Variants in ZNF33B observed in about 807,000 individuals in gnomAD.
ZNF33B encodes the protein zinc finger protein 33B.
ZNF33B carries 29 observed loss-of-function variants against 45.8 expected under a neutral mutation model. The ratio of observed to expected loss-of-function variants is 0.63; its 90% CI spans 0.47 to 0.86. The LOEUF (loss-of-function observed/expected upper bound fraction) is 0.86, where lower values mean the gene tolerates loss of function less well. ZNF33B is among the 40% of genes least tolerant of loss of function. The pLI, the probability that ZNF33B is intolerant of heterozygous loss-of-function variation, is 0.00. For missense variants in ZNF33B, 831 were observed against 909.9 expected (o/e 0.91, Z 1.12); for synonymous variants, 305 against 307.8 (o/e 0.99, Z 0.10).
At chr10:42,626,407 T>C (rs1449122020) in intron 4 of ZNF33B, among the ~76,000 whole-genome samples, 2 of 152,098 alleles carry the variant, frequency 1.3e-5, no homozygotes, top group African/African-American at 2.4e-5. Flanking sequence ...TGTTCCCTCT[T>C]GGCCAGGCGC....
chr10:42,620,390 C>G (rs1838519228), intron 4 of ZNF33B, among the ~76,000 whole-genome samples: 1 of 151,736 alleles, frequency 6.6e-6, no homozygotes. Flanking sequence ...CAGAGGCTGG[C>G]AGAATGGATT....
intron 4 of ZNF33B, among the ~76,000 whole-genome samples, chr10:42,618,753 C>T (rs1346509493): frequency 2.6e-5 from 4 of 152,162 alleles, no homozygotes; most frequent in South Asian, 2.1e-4. Flanking sequence ...GGCGTTTCTG[C>T]GAATTCTTCA....
rs1474422586 is a variant in ZNF33B at position 42,591,252 on chromosome 10, G to C, written c.*1361C>G. On this transcript the variant is annotated 3_prime_UTR_variant, in exon 5 of 5. Coordinates refer to ENST00000359467, the MANE Select transcript of ZNF33B (RefSeq NM_006955.3). ...GGCTGTATGTGTGGGCCTCTTTCCA[G>C]GGCCCTGTCTTGGAGAGCAGCTGCT... 1 of 927,384 alleles carries C rather than the reference G, an allele frequency of 1.1e-6. No individual in the cohort carries two copies. Among genetic ancestry groups the C allele is most frequent in the Non-Finnish European group, 1.3e-6 (1 of 777,488 alleles). 57.4% of individuals were successfully genotyped at this position (927,384 alleles called of 1,614,324 possible). A position where few individuals can be genotyped will look rare whatever the true frequency, so the allele number is the denominator to read the frequency against.
chr10:42,582,920 T>C lies in ZNF33B; in HGVS notation c.74-8242A>G, dbSNP rs1374569333. ...CTCTTTAGGCTGTTTCCAAATTTGT[T>C]GCAGAGAATGCTGATGTCTCTTCCA... is the stretch of plus-strand genomic sequence containing the variant. On this transcript the variant is annotated intron_variant, in intron 1 of 1. Coordinates refer to the ZNF33B transcript ENST00000462075. The C allele has an allele frequency of 6.0e-6, 3 of 504,164 alleles. No homozygotes were observed. In the East Asian group the frequency reaches 1.0e-4, roughly 17 times the overall value. The allele number at this position is 504,164 out of a possible 1,614,324, so 31.2% of individuals were successfully genotyped here.
Position 42,593,581 on chromosome 10 carries a change from T to TA in ZNF33B, c.1368dup (p.Thr457TyrfsTer10). The TA allele has an allele frequency of 6.2e-7, 1 of 1,614,066 alleles. No homozygotes were observed. Among genetic ancestry groups the TA allele is most frequent in the Non-Finnish European group, 8.5e-7 (1 of 1,179,978 alleles). On this transcript the variant is annotated frameshift_variant, in exon 5 of 5. Transcript: ENST00000359467. LOFTEE classifies it high-confidence loss of function. ...CCTGTGTGAGTTCTCTGGTGTACTG[T>TA]AAGGTGTGAATTCATACAGAAGGAT...
At chr10:42,595,939 A>G (rs776760219) in intron 4 of ZNF33B, among the ~76,000 whole-genome samples, 3 of 152,210 alleles carry the variant, frequency 2.0e-5, no homozygotes, top group Non-Finnish European at 2.9e-5. Context: ...AGGGGAAACT[A>G]CACTTGACTG....
downstream of ZNF33B, among the ~76,000 whole-genome samples, chr10:42,587,859 A>T (rs540619143): frequency 3.9e-5 from 6 of 152,212 alleles, no homozygotes; most frequent in African/African-American, 1.4e-4. Flanking sequence ...GCATCTTGAC[A>T]TTCTTAGGGG....
chr10:42,593,695 C>A lies in ZNF33B; in HGVS notation c.1255G>T (p.Gly419Trp). Reference protein sequence around the residue: ...GEKPYQCNACGKTFYQKSDLT... With the variant: ...GEKPYQCNACWKTFYQKSDLT... ...TCAGATTTCTGGTAAAAAGTTTTCC[C>A]ACATGCATTACACTGATAGGGTTTC... is the stretch of plus-strand genomic sequence containing the variant. Residue 419 changes from glycine (G) to tryptophan (W), a missense_variant, in exon 5 of 5, where the codon GGG becomes TGG. Gly to Trp is a radical substitution (Grantham distance 184, BLOSUM62 -2). Coordinates refer to ENST00000359467, the MANE Select transcript of ZNF33B (RefSeq NM_006955.3). The A allele has an allele frequency of 6.2e-7, 1 of 1,613,558 alleles. No individual in the cohort carries two copies. Among genetic ancestry groups the A allele is most frequent in the Non-Finnish European group, 8.5e-7 (1 of 1,179,626 alleles).
intron 4 of ZNF33B, among the ~76,000 whole-genome samples, chr10:42,619,034 C>T (rs576383753): frequency 1.9e-4 from 29 of 151,650 alleles, no homozygotes; most frequent in African/African-American, 6.8e-4. Context: ...TTGTTGTTCT[C>T]GAATGGACAA....
At chr10:42,584,345 C>T (rs545899500), downstream of ZNF33B, among the ~76,000 whole-genome samples, 1 of 152,136 alleles carries the variant, frequency 6.6e-6, no homozygotes, top group Non-Finnish European at 1.5e-5. Context: ...GAGCAAGGAT[C>T]GCAACAACAA....
At chr10:42,620,689 G>A (rs1000137349) in intron 4 of ZNF33B, among the ~76,000 whole-genome samples, 2 of 151,912 alleles carry the variant, frequency 1.3e-5, no homozygotes. Flanking sequence ...CAACCACCCA[G>A]CTTCAGAATA....
chr10:42,633,463 A>G (rs1323066768), intron 2 of ZNF33B, among the ~76,000 whole-genome samples: 4 of 152,328 alleles, frequency 2.6e-5, no homozygotes, highest in Admixed American at 2.6e-4. Context: ...TACATAAACT[A>G]CTGTAGAAGA....
chr10:42,589,291 A>G lies in ZNF33B; in HGVS notation c.*3322T>C, dbSNP rs946126914. 1 of 152,198 alleles carries G rather than the reference A, an allele frequency of 6.6e-6. No homozygotes were observed. The highest frequency in any genetic ancestry group is 6.5e-5 in the Admixed American group (1 of 15,288). The allele number at this position is 152,198 out of a possible 1,614,324, so 9.4% of individuals were successfully genotyped here. A position where few individuals can be genotyped will look rare whatever the true frequency, so the allele number is the denominator to read the frequency against. On this transcript the variant is annotated 3_prime_UTR_variant, in exon 5 of 5. Coordinates refer to ENST00000359467, the MANE Select transcript of ZNF33B (RefSeq NM_006955.3). ...CATTATGGTTCATTTGTTACAATTG[A>G]TGAGCCAATAGTGGTACACTGTTAT... is the stretch of plus-strand genomic sequence containing the variant.
chr10:42,581,136 C>A (rs971790427), intron 1 of ZNF33B, among the ~76,000 whole-genome samples: 1 of 152,042 alleles, frequency 6.6e-6, no homozygotes, highest in South Asian at 2.1e-4. Context: ...GACGTATTTC[C>A]TTTTCTTTAT....
In ZNF33B at chr10:42,594,376, C is replaced by A; in HGVS notation, c.574G>T (p.Glu192Ter). 1 of 1,613,838 alleles carries A rather than the reference C, an allele frequency of 6.2e-7. No individual in the cohort carries two copies. Among genetic ancestry groups the A allele is most frequent in the Non-Finnish European group, 8.5e-7 (1 of 1,179,862 alleles). The change falls in exon 5 of 5, where the codon GAA becomes TAA. Residue 192 changes from glutamate (E) to a stop codon, truncating the protein, a stop_gained. Transcript: ENST00000359467. LOFTEE classifies it low-confidence loss of function (END_TRUNC). ...HDETHTREKNEVLKNRNTLSH... is the reference protein window; with the variant it reads ...HDETHTREKN ...AGAGTGTTCCTATTTTTCAAAACTT[C>A]ATTTTTCTCTCGAGTATGAGTTTCA...
chr10:42,612,654 G>A (rs1051336838), intron 4 of ZNF33B, among the ~76,000 whole-genome samples: 5 of 152,136 alleles, frequency 3.3e-5, no homozygotes, highest in African/African-American at 1.2e-4. Flanking sequence ...ATATTAGTGT[G>A]CGGTTTTTCT....
rs1839448690 is a variant in ZNF33B, at chr10:42,638,475, T to C, written c.-46A>G. 2.3e-6 allele frequency: 1 copy of C among 438,414 alleles called. No homozygotes were observed. The highest frequency in any genetic ancestry group is 1.7e-5 in the South Asian group (1 of 60,340). 27.2% of individuals were successfully genotyped at this position (438,414 alleles called of 1,614,324 possible). A position where few individuals can be genotyped will look rare whatever the true frequency, so the allele number is the denominator to read the frequency against. On this transcript the variant is annotated splice_region_variant and 5_prime_UTR_variant, in exon 1 of 5. Transcript: ENST00000359467. The stretch of plus-strand genomic sequence containing the variant: ...CCTGCCCAACCCGCGGAGGCTTACC[T>C]CACTCTCTCTTCGGGTTGCATTCGC...
In ZNF33B at chr10:42,594,263, A is replaced by C. The variant is rs1837295244; in HGVS notation, c.687T>G (p.Leu229=). 2.5e-6 allele frequency: 4 copies of C among 1,613,814 alleles called. No homozygotes were observed. The highest frequency in any genetic ancestry group is 3.4e-6 in the Non-Finnish European group (4 of 1,179,900). The change falls in exon 5 of 5, where the codon CTT becomes CTG. Residue 229 remains leucine, a synonymous_variant. Coordinates refer to ENST00000359467, the MANE Select transcript of ZNF33B (RefSeq NM_006955.3). ...FEYSICQETL[L]EKAVFNTRKR... ...TCCGTGTATTGAATACTGCCTTTTC[A>C]AGGAGGGTTTCCTGACATATACTGT...
rs1839324049 is a variant in ZNF33B at position 42,636,790 on chromosome 10, T to C, written c.9+130A>G. Reference sequence around the variant, plus strand: ...TTGCAGTGAACAGAGATGGAGACACTGCGCTCCAGCCTGGGCGACAGAGCG... The same window carrying C: ...TTGCAGTGAACAGAGATGGAGACACCGCGCTCCAGCCTGGGCGACAGAGCG... On this transcript the variant is annotated intron_variant, in intron 2 of 4. Coordinates refer to ENST00000359467, the MANE Select transcript of ZNF33B (RefSeq NM_006955.3). 13 of 1,320,196 alleles carry C rather than the reference T, an allele frequency of 9.8e-6. No individual in the cohort carries two copies. In the East Asian group the frequency reaches 2.8e-4, roughly 28 times the overall value. The allele number at this position is 1,320,196 out of a possible 1,614,324, so 81.8% of individuals were successfully genotyped here.
Sources: gnomAD v4.1 joint callset for allele counts (sites outside exome capture counted in the v4.1 genomes callset) on GRCh38, gnomAD v4.1.1 for gene constraint, MANE v1.5 for transcripts, NCBI Gene and HGNC (gene_info 2026-07-23, HGNC 2026-07-21) for gene names.